Variants in ARHGEF16 observed in about 807,000 individuals in gnomAD.
The protein encoded by ARHGEF16 is Rho guanine exchange factor (GEF) 16.
ARHGEF16 carries 59 observed loss-of-function variants against 74.1 expected under a neutral mutation model. The ratio of observed to expected loss-of-function variants is 0.80; its 90% CI spans 0.65 to 0.99. The LOEUF (loss-of-function observed/expected upper bound fraction) is 0.99. ARHGEF16 is among the 50% of genes least tolerant of loss of function. ARHGEF16 has a pLI of 0.00. For missense variants in ARHGEF16, 948 were observed against 986.6 expected (o/e 0.96, Z 0.52); for synonymous variants, 415 against 412.6 (o/e 1.01, Z -0.07).
chr1:3,477,364 C>G (rs140735496), intron 10 of ARHGEF16, among the ~76,000 whole-genome samples: 1 of 95,102 alleles, frequency 1.1e-5, no homozygotes, highest in East Asian at 3.3e-4. Context: ...CTTTGCCATC[C>G]TTCTGCCCCC....
intron 3 of ARHGEF16, among the ~76,000 whole-genome samples, chr1:3,466,671 G>C (rs542141613): frequency 2.0e-5 from 3 of 152,334 alleles, no homozygotes; most frequent in Admixed American, 2.0e-4. Context: ...TTGACATAGG[G>C]AGGTGCCTGC....
rs570492416 is a variant in ARHGEF16 at position 3,480,794 on chromosome 1, G to A, written c.*207G>A. The A allele has an allele frequency of 1.0e-5, 7 of 700,504 alleles. No homozygotes were observed. The highest frequency in any genetic ancestry group is 5.4e-5 in the African/African-American group (3 of 55,416). 43.4% of individuals were successfully genotyped at this position (700,504 alleles called of 1,614,324 possible). On this transcript the variant is annotated 3_prime_UTR_variant, in exon 15 of 15. Transcript: ENST00000378378. ...CAGAGAGGCACCCCCAGGCAAGCTC[G>A]AGGGGGCCACACCGTGTCCCAGGGA...
At chr1:3,479,984 C>G in intron 14 of ARHGEF16, 71 bp downstream of exon 14, 1 of 1,490,006 alleles carries the variant, frequency 6.7e-7, no homozygotes, top group South Asian at 1.1e-5. Flanking sequence ...TCCAGCCTGG[C>G]CAGGTCCAGA....
Position 3,473,183 on chromosome 1 carries a change from C to T in ARHGEF16, c.1128C>T (p.Ala376=), listed in dbSNP as rs1159795871. 1.9e-6 allele frequency: 3 copies of T among 1,613,164 alleles called. No homozygotes were observed. Among genetic ancestry groups the T allele is most frequent in the African/African-American group, 2.7e-5 (2 of 74,946 alleles). ...AGAAGCACTTCCACCCCTACATCGC[C>T]TACTGCTCCAACGAGGTCTACCAAC... ...HAEKHFHPYI[A]YCSNEVYQQR... Residue 376 remains alanine, a synonymous_variant, in exon 7 of 15, where the codon GCC becomes GCT. Coordinates refer to ENST00000378378, the MANE Select transcript of ARHGEF16 (RefSeq NM_014448.4).
chr1:3,463,025 G>T (rs1194214906), intron 1 of ARHGEF16, 41 bp from the exon 2 acceptor site: 3 of 1,377,552 alleles, frequency 2.2e-6, no homozygotes, highest in Non-Finnish European at 1.9e-6. Flanking sequence ...GGGGGCAGGG[G>T]AGAGCAGCCT....
At chr1:3,461,100 A>G (rs940461259) in intron 1 of ARHGEF16, among the ~76,000 whole-genome samples, 1 of 152,024 alleles carries the variant, frequency 6.6e-6, no homozygotes, top group African/African-American at 2.4e-5. Flanking sequence ...CCCGCAAGAG[A>G]CTCCGGTCAT....
At chr1:3,459,418 G>A (rs1639341496) in intron 1 of ARHGEF16, among the ~76,000 whole-genome samples, 1 of 150,784 alleles carries the variant, frequency 6.6e-6, no homozygotes, top group African/African-American at 2.5e-5. Context: ...CTCCTCACCA[G>A]TCAGGGGAGA....
chr1:3,465,189 C>CA (rs541023470), intron 2 of ARHGEF16, among the ~76,000 whole-genome samples: 86 of 152,374 alleles, frequency 5.6e-4, no homozygotes, highest in African/African-American at 2.0e-3. Context: ...GGGCACCTGC[C>CA]ACATGCTTGG....
chr1:3,479,789 G>A, intron 13 of ARHGEF16, 23 bp from the exon 14 acceptor site: 1 of 1,609,942 alleles, frequency 6.2e-7, no homozygotes. Context: ...CGACAGCCCT[G>A]TGATGGCCAC....
Position 3,473,532 on chromosome 1 carries a change from C to T in ARHGEF16, c.1305+10C>T, listed in dbSNP as rs750433684. ...GCCCCTCCTGATGGATGTAAGTCCA[C>T]GGCCTGAGGGTGGGGCCGGGCATAC... On this transcript the variant is annotated intron_variant, in intron 8 of 14. Coordinates refer to ENST00000378378, the MANE Select transcript of ARHGEF16 (RefSeq NM_014448.4). 10 of 1,605,312 alleles carry T rather than the reference C, an allele frequency of 6.2e-6. No homozygotes were observed. In the African/African-American group the frequency reaches 6.7e-5, roughly 11 times the overall value.
At chr1:3,473,543 T>C in intron 8 of ARHGEF16, 21 bp downstream of exon 8, 1 of 1,602,894 alleles carries the variant, frequency 6.2e-7, no homozygotes, top group Non-Finnish European at 8.5e-7. Flanking sequence ...GGCCTGAGGG[T>C]GGGGCCGGGC....
At position 3,478,017 on chromosome 1, in the gene ARHGEF16, A is replaced by C. The variant is rs1356711132; in HGVS notation, c.1616A>C (p.Lys539Thr). 2 of 1,612,606 alleles carry C rather than the reference A, an allele frequency of 1.2e-6. No individual in the cohort carries two copies. The highest frequency in any genetic ancestry group is 1.7e-6 in the Non-Finnish European group (2 of 1,179,860). ...TTCAACGATGTCCTGGTTGTGACCA[A>C]GAAGAAGAGGTGGCCTTAGGGCAGG... ...FLFNDVLVVT[K>T]KKSEESYMVQ... Residue 539 changes from lysine to threonine, a missense_variant, in exon 11 of 15, where the codon AAG (lysine) becomes ACG (threonine). Lys to Thr is a moderately conservative substitution (Grantham distance 78). Coordinates refer to ENST00000378378, the MANE Select transcript of ARHGEF16 (RefSeq NM_014448.4).
At chr1:3,474,413 CA>C (rs1302925640) in intron 8 of ARHGEF16, 2 of 396,992 alleles carry the variant, frequency 5.0e-6, no homozygotes, top group Admixed American at 7.4e-5. Flanking sequence ...ATGGGGCTGC[CA>C]GGGGGCCTCC....
chr1:3,457,349 A>G lies in ARHGEF16; in HGVS notation c.-20+2538A>G, dbSNP rs555206050. ...GTCAGCCGGACCTAGAGGCCAGGGT[A>G]GGAGGGACAGAAATGCCTGAGGGTG... On this transcript the variant is annotated intron_variant, in intron 1 of 14. Transcript: ENST00000378378. Among the ~76,000 whole-genome samples the G allele has an allele frequency of 3.5e-4, 53 of 152,324 alleles. 1 individual carries two copies. Among genetic ancestry groups the G allele is most frequent in the Admixed American group, 3.2e-3 (49 of 15,308 alleles).
intron 14 of ARHGEF16, 139 bp from the exon 15 acceptor site, chr1:3,480,309 C>G: frequency 7.8e-7 from 1 of 1,274,196 alleles, no homozygotes. Flanking sequence ...AAGGCCTCAG[C>G]AGCTGTCTGC....
At chr1:3,455,075 C>T (rs1440541909) in intron 1 of ARHGEF16, among the ~76,000 whole-genome samples, 1 of 151,264 alleles carries the variant, frequency 6.6e-6, no homozygotes, top group Non-Finnish European at 1.5e-5. Flanking sequence ...CCCCTGCTTG[C>T]CCCCGCCCGC....
chr1:3,462,808 T>G (rs761353456), intron 1 of ARHGEF16, among the ~76,000 whole-genome samples: 6 of 152,150 alleles, frequency 3.9e-5, no homozygotes, highest in Non-Finnish European at 5.9e-5. Context: ...CCTGGTCCCT[T>G]GGAGCTCGGA....
At chr1:3,469,377 C>T (rs1278246032) in intron 5 of ARHGEF16, 56 bp from the exon 6 acceptor site, 14 of 1,592,134 alleles carry the variant, frequency 8.8e-6, no homozygotes, top group Non-Finnish European at 1.1e-5. Context: ...CATTGGTCAC[C>T]GAGGCACGCC....
chr1:3,462,708 G>A (rs771275463), intron 1 of ARHGEF16, among the ~76,000 whole-genome samples: 9 of 152,214 alleles, frequency 5.9e-5, no homozygotes, highest in Non-Finnish European at 4.4e-5. Flanking sequence ...CCAGGCTCAG[G>A]AATGTGTCCT....
Sources: allele counts gnomAD v4.1 joint callset (sites outside exome capture counted in the v4.1 genomes callset), GRCh38; gene constraint gnomAD v4.1.1; transcripts MANE v1.5; gene names NCBI Gene and HGNC (gene_info 2026-07-23, HGNC 2026-07-21).